Variants in SLC35F3 observed in about 807,000 individuals in gnomAD.
SLC35F3 encodes the protein putative thiamine transporter SLC35F3.
A neutral mutation model predicts 49.9 loss-of-function variants in SLC35F3; 25 were observed. That is an observed-to-expected ratio of 0.50 (90% CI 0.37 to 0.70). The LOEUF (loss-of-function observed/expected upper bound fraction) is 0.70. Among genes scored for constraint, SLC35F3 ranks in the 30% least tolerant of loss-of-function variants. The probability of loss-of-function intolerance (pLI) is 0.00; values close to 1 mark genes in which losing one functional copy is unlikely to be tolerated. For synonymous variants in SLC35F3, 275 were observed against 265.4 expected, an observed-to-expected ratio of 1.04 and a Z score of -0.35; for missense variants, 525 against 639.8, an observed-to-expected ratio of 0.82 and a Z score of 1.94.
intron 2 of SLC35F3, among the ~76,000 whole-genome samples, chr1:234,156,614 G>GTGTA (rs1666156448): frequency 6.6e-6 from 1 of 152,124 alleles, no homozygotes; most frequent in African/African-American, 2.4e-5. Flanking sequence ...AGGGCCTTAG[G>GTGTA]TGTATATTCA....
chr1:234,243,623 GGTTGGC>G (rs1667588740), intron 3 of SLC35F3, among the ~76,000 whole-genome samples: 1 of 152,214 alleles, frequency 6.6e-6, no homozygotes. Flanking sequence ...TAAAGAGGAA[GGTTGGC>G]ACCTTCTAGG....
intron 3 of SLC35F3, among the ~76,000 whole-genome samples, chr1:234,299,616 T>C (rs984605925): frequency 6.6e-6 from 1 of 151,818 alleles, no homozygotes; most frequent in East Asian, 1.9e-4. Flanking sequence ...TCATCCTGGC[T>C]AACACGGTGA....
intron 2 of SLC35F3, among the ~76,000 whole-genome samples, chr1:234,001,962 T>G (rs1034105946): frequency 1.3e-5 from 2 of 152,162 alleles, no homozygotes; most frequent in African/African-American, 4.8e-5. Context: ...GCAAATCCAT[T>G]TAAACAAGTG....
chr1:234,206,972 C>T (rs1212196135), intron 2 of SLC35F3, among the ~76,000 whole-genome samples: 2 of 152,152 alleles, frequency 1.3e-5, no homozygotes, highest in African/African-American at 4.8e-5. Flanking sequence ...GGCCATTCTC[C>T]TTGATTCACC....
At chr1:234,064,417 C>G (rs1171710628) in intron 2 of SLC35F3, among the ~76,000 whole-genome samples, 1 of 152,116 alleles carries the variant, frequency 6.6e-6, no homozygotes, top group African/African-American at 2.4e-5. Flanking sequence ...GAAAATTCCT[C>G]TAAAACCTTT....
At chr1:234,087,386 G>A (rs1041525073) in intron 2 of SLC35F3, among the ~76,000 whole-genome samples, 12 of 152,146 alleles carry the variant, frequency 7.9e-5, no homozygotes, top group South Asian at 2.1e-4. Context: ...TGTTGGAGCC[G>A]GTATTATCCG....
At chr1:234,314,263 A>AC (rs59665540) in intron 4 of SLC35F3, among the ~76,000 whole-genome samples, 13,923 of 151,954 alleles carry the variant, frequency 0.092, 1,988 homozygotes, top group African/African-American at 0.31. Context: ...CTCATTTCCT[A>AC]CCCCCTTGTC....
rs117123954 is a variant in SLC35F3 at position 234,191,296 on chromosome 1, C to G, written c.284-40121C>G. On this transcript the variant is annotated intron_variant, in intron 2 of 7. Coordinates refer to ENST00000366618, the MANE Select transcript of SLC35F3 (RefSeq NM_173508.4). The stretch of plus-strand genomic sequence containing the variant: ...ACTGGAAATTAACTCCAAAAGGAAA[C>G]TTCAAAACCATGCAAATATATGAAA... 7.5e-4 allele frequency among the ~76,000 whole-genome samples: 114 copies of G among 152,268 alleles called. No homozygotes were observed. The East Asian group carries it at 0.017, about 22-fold the overall frequency.
intron 2 of SLC35F3, among the ~76,000 whole-genome samples, chr1:234,081,472 G>T (rs1307596895): frequency 6.6e-6 from 1 of 152,170 alleles, no homozygotes. Flanking sequence ...GTCAGGACCT[G>T]GGGGAGGGGC....
intron 2 of SLC35F3, among the ~76,000 whole-genome samples, chr1:234,026,114 AG>A: frequency 6.6e-6 from 1 of 152,084 alleles, no homozygotes; most frequent in Admixed American, 6.5e-5. Context: ...TTGTAGGTGT[AG>A]GGCTTTATTT....
At chr1:233,937,939 A>G (rs1042636212) in intron 2 of SLC35F3, among the ~76,000 whole-genome samples, 1 of 152,130 alleles carries the variant, frequency 6.6e-6, no homozygotes, top group Non-Finnish European at 1.5e-5. Flanking sequence ...TCAGGTAGTG[A>G]TGTCCGTTAA....
chr1:233,921,077 C>T (rs1180593512), intron 2 of SLC35F3, among the ~76,000 whole-genome samples: 1 of 152,184 alleles, frequency 6.6e-6, no homozygotes, highest in African/African-American at 2.4e-5. Context: ...TGCTACATAG[C>T]AATATATCAC....
At chr1:234,318,704 G>A (rs1439894531) in intron 5 of SLC35F3, 47 bp from the exon 6 acceptor site, 3 of 1,544,218 alleles carry the variant, frequency 1.9e-6, no homozygotes, top group Admixed American at 3.5e-5. Context: ...ATCATATTGG[G>A]GTCTGAGGTG....
rs531002916 is a variant in SLC35F3, at chr1:233,922,764, A to G, written c.283+17006A>G. On this transcript the variant is annotated intron_variant, in intron 2 of 7. Transcript: ENST00000366618. ...TGGTATTGCCTAGGTTTTCTTCTAG[A>G]GTTTTTATGGTTTTAGGTCTAACAT... Among the ~76,000 whole-genome samples the G allele has an allele frequency of 5.0e-4, 76 of 152,060 alleles. 1 individual carries two copies. Among genetic ancestry groups the G allele is most frequent in the African/African-American group, 1.7e-3 (70 of 41,480 alleles).
At chr1:234,268,273 C>T (rs536265536) in intron 3 of SLC35F3, among the ~76,000 whole-genome samples, 199 of 152,258 alleles carry the variant, frequency 1.3e-3, no homozygotes, top group African/African-American at 4.5e-3. Flanking sequence ...GCCAACACAG[C>T]GAAACCCCGT....
At chr1:234,057,645 C>T (rs1664474643) in intron 2 of SLC35F3, among the ~76,000 whole-genome samples, 1 of 152,042 alleles carries the variant, frequency 6.6e-6, no homozygotes, top group South Asian at 2.1e-4. Flanking sequence ...GTTTCTGTTT[C>T]AATTGCTTTG....
At chr1:234,136,638 A>ACTTT (rs1373064984) in intron 2 of SLC35F3, among the ~76,000 whole-genome samples, 1 of 152,250 alleles carries the variant, frequency 6.6e-6, no homozygotes, top group African/African-American at 2.4e-5. Context: ...CACATAGGCA[A>ACTTT]CTTTCTTACA....
At chr1:234,176,601 G>A (rs1288835676) in intron 2 of SLC35F3, among the ~76,000 whole-genome samples, 1 of 152,170 alleles carries the variant, frequency 6.6e-6, no homozygotes, top group Non-Finnish European at 1.5e-5. Context: ...CACACTCACA[G>A]CCCATCAGAA....
intron 2 of SLC35F3, among the ~76,000 whole-genome samples, chr1:233,922,330 C>T (rs1662077049): frequency 6.6e-6 from 1 of 152,076 alleles, no homozygotes; most frequent in South Asian, 2.1e-4. Context: ...TAATGATCGC[C>T]ATTCTAACTG....
Sources: allele counts gnomAD v4.1 joint callset (sites outside exome capture counted in the v4.1 genomes callset), GRCh38; gene constraint gnomAD v4.1.1; transcripts MANE v1.5; gene names NCBI Gene and HGNC (gene_info 2026-07-23, HGNC 2026-07-21).